Variants in MBD5 observed in about 807,000 individuals in gnomAD.
The protein encoded by MBD5 is methyl-CpG binding domain protein 5, also known as methyl-CpG-binding domain protein 5.
A neutral mutation model predicts 117.3 loss-of-function variants in MBD5; 13 were observed. The observed-to-expected ratio is 0.11, with a 90% CI of 0.07 to 0.18. MBD5 has a LOEUF of 0.18. Ranked by LOEUF, MBD5 falls within the 10% of genes least tolerant of loss-of-function variation. The pLI, the probability that MBD5 is intolerant of heterozygous loss-of-function variation, is 1.00. For missense variants in MBD5, 1,879 were observed against 2,093.8 expected (o/e 0.90, Z 2.00); for synonymous variants, 727 against 766.4 (o/e 0.95, Z 0.85).
chr2:148,397,491 G>A (rs940453701), intron 4 of MBD5, among the ~76,000 whole-genome samples: 6 of 151,622 alleles, frequency 4.0e-5, no homozygotes, highest in East Asian at 3.9e-4. Flanking sequence ...CACCACGCCC[G>A]GCTAATTTTT....
chr2:148,146,970 T>C (rs1697483653), intron 1 of MBD5, among the ~76,000 whole-genome samples: 1 of 152,166 alleles, frequency 6.6e-6, no homozygotes, highest in African/African-American at 2.4e-5. Flanking sequence ...TCATTTCTTC[T>C]GAAAGATAAT....
chr2:148,077,250 A>ATAT (rs1695531537), intron 1 of MBD5, among the ~76,000 whole-genome samples: 1 of 152,218 alleles, frequency 6.6e-6, no homozygotes, highest in Admixed American at 6.5e-5. Flanking sequence ...TTTCATGGAA[A>ATAT]TATAAATCTT....
At chr2:148,441,695 T>C (rs533537626) in intron 4 of MBD5, among the ~76,000 whole-genome samples, 11 of 152,200 alleles carry the variant, frequency 7.2e-5, no homozygotes, top group Admixed American at 2.0e-4. Flanking sequence ...ACTTCCACAA[T>C]GGTTGAACTA....
intron 3 of MBD5, among the ~76,000 whole-genome samples, chr2:148,322,477 A>G (rs1702307211): frequency 6.6e-6 from 1 of 152,176 alleles, no homozygotes; most frequent in African/African-American, 2.4e-5. Flanking sequence ...GCTCATTTTT[A>G]TGAAATTTGA....
intron 3 of MBD5, among the ~76,000 whole-genome samples, chr2:148,311,291 G>A (rs951617983): frequency 6.6e-6 from 1 of 152,144 alleles, no homozygotes; most frequent in Non-Finnish European, 1.5e-5. Flanking sequence ...AAGTCTCTTT[G>A]TAGGTCTCTA....
rs531667655 is a variant in MBD5 at position 148,244,089 on chromosome 2, T to C, written c.-680+10694T>C. The C allele has an allele frequency of 2.0e-5, 3 of 151,288 alleles. No individual in the cohort carries two copies. The Admixed American group carries it at 2.0e-4, about 10-fold the overall frequency. The allele number at this position is 151,288 out of a possible 1,614,324, so 9.4% of individuals were successfully genotyped here. A position where few individuals can be genotyped will look rare whatever the true frequency, so the allele number is the denominator to read the frequency against. ...GATGTAATGTGAGCCTATGTATGTATGTTAACTGTCTCTGCTGGAAAACAA... is the reference window on the plus strand; with the variant it reads ...GATGTAATGTGAGCCTATGTATGTACGTTAACTGTCTCTGCTGGAAAACAA... On this transcript the variant is annotated intron_variant, in intron 3 of 13. Coordinates refer to ENST00000642680, the MANE Select transcript of MBD5 (RefSeq NM_001378120.1).
intron 1 of MBD5, among the ~76,000 whole-genome samples, chr2:148,047,884 C>T (rs1694577339): frequency 6.6e-6 from 1 of 152,250 alleles, no homozygotes; most frequent in Non-Finnish European, 1.5e-5. Flanking sequence ...ACACGAGTTA[C>T]AAAAGCAGCA....
At chr2:148,505,470 CAG>C (rs1362525799) in intron 12 of MBD5, among the ~76,000 whole-genome samples, 1 of 152,122 alleles carries the variant, frequency 6.6e-6, no homozygotes, top group African/African-American at 2.4e-5. Context: ...GGAAAGTAGA[CAG>C]AGTCTCAGAA....
chr2:148,153,045 T>C (rs1298882434), intron 1 of MBD5, among the ~76,000 whole-genome samples: 2 of 152,092 alleles, frequency 1.3e-5, no homozygotes, highest in Non-Finnish European at 2.9e-5. Flanking sequence ...CGATGGTCTT[T>C]ACATTTTGGC....
chr2:148,512,101 C>G (rs973895666), intron 13 of MBD5: 1 of 152,658 alleles, frequency 6.6e-6, no homozygotes, highest in African/African-American at 2.4e-5. Flanking sequence ...TCCCTCCTCT[C>G]CTAGGTCTTG....
At chr2:148,283,829 C>G (rs1020769222) in intron 3 of MBD5, among the ~76,000 whole-genome samples, 1 of 152,214 alleles carries the variant, frequency 6.6e-6, no homozygotes, top group Non-Finnish European at 1.5e-5. Context: ...CATAGCTACA[C>G]TCAGCTGCTT....
At chr2:148,318,604 A>G (rs1487910829) in intron 3 of MBD5, among the ~76,000 whole-genome samples, 1 of 152,096 alleles carries the variant, frequency 6.6e-6, no homozygotes, top group Non-Finnish European at 1.5e-5. Context: ...TTACATTTAG[A>G]TATTTAATCC....
Position 148,463,906 on chromosome 2 carries a change from C to G in MBD5, c.384C>G (p.Pro128=). The G allele has an allele frequency of 6.2e-7, 1 of 1,613,436 alleles. No homozygotes were observed. The highest frequency in any genetic ancestry group is 8.5e-7 in the Non-Finnish European group (1 of 1,179,596). Reference sequence around the variant, plus strand: ...ATCCTTCTCTGGTGCTCACCAGTCCCGGAGGAGGAACAAGTATGTAATATG... The same window carrying G: ...ATCCTTCTCTGGTGCTCACCAGTCCGGGAGGAGGAACAAGTATGTAATATG... The part of the protein sequence containing the change: ...APHPSLVLTS[P]GGGTNATPVV... Residue 128 remains proline (P), a synonymous_variant, in exon 7 of 14, where the codon CCC becomes CCG. Transcript: ENST00000642680.
At chr2:148,484,557 GTGT>G (rs1036928703) in intron 9 of MBD5, among the ~76,000 whole-genome samples, 3 of 152,294 alleles carry the variant, frequency 2.0e-5, no homozygotes, top group African/African-American at 7.2e-5. Context: ...GATTGAGAAA[GTGT>G]TTTCCAGGTG....
At chr2:148,300,130 CTG>C (rs1200416604) in intron 3 of MBD5, among the ~76,000 whole-genome samples, 3 of 152,118 alleles carry the variant, frequency 2.0e-5, no homozygotes, top group Non-Finnish European at 4.4e-5. Context: ...TCTCAGCTCA[CTG>C]TAACCTCCGC....
intron 3 of MBD5, among the ~76,000 whole-genome samples, chr2:148,291,946 C>T (rs550021589): frequency 4.8e-4 from 73 of 152,148 alleles, no homozygotes; most frequent in African/African-American, 1.7e-3. Flanking sequence ...GACAAAAGTG[C>T]CAGAAGCATA....
intron 3 of MBD5, among the ~76,000 whole-genome samples, chr2:148,283,900 G>A (rs1245460220): frequency 6.6e-6 from 1 of 152,120 alleles, no homozygotes; most frequent in Non-Finnish European, 1.5e-5. Flanking sequence ...AAAAATCAAA[G>A]CAATATTAGA....
intron 11 of MBD5, among the ~76,000 whole-genome samples, chr2:148,494,651 G>A (rs894389010): frequency 6.6e-6 from 1 of 152,110 alleles, no homozygotes; most frequent in Non-Finnish European, 1.5e-5. Flanking sequence ...TTTTCCCTTG[G>A]TTAACAATTT....
In MBD5 at chr2:148,158,894, TG is replaced by T. The variant is rs563627801; in HGVS notation, c.-924-19804del. On this transcript the variant is annotated intron_variant, in intron 1 of 13. Coordinates refer to ENST00000642680, the MANE Select transcript of MBD5 (RefSeq NM_001378120.1). Reference sequence around the variant, plus strand: ...GCCACCATGCCTGGCTAATTTTTTTTGGTATTTTTAGTAGAGACGGGGTTTC... The same window carrying T: ...GCCACCATGCCTGGCTAATTTTTTTTGTATTTTTAGTAGAGACGGGGTTTC... Among the ~76,000 whole-genome samples the T allele has an allele frequency of 6.1e-4, 93 of 152,236 alleles. 1 individual carries two copies. Among genetic ancestry groups the T allele is most frequent in the Admixed American group, 3.7e-3 (56 of 15,290 alleles).
Sources: allele counts gnomAD v4.1 joint callset (sites outside exome capture counted in the v4.1 genomes callset), GRCh38; gene constraint gnomAD v4.1.1; transcripts MANE v1.5; gene names NCBI Gene and HGNC (gene_info 2026-07-23, HGNC 2026-07-21).